VPS35L: variants seen among roughly 807,000 people sequenced by gnomAD.
VPS35L encodes VPS35 endosomal protein sorting factor like, also known as VPS35 endosomal protein-sorting factor-like.
A neutral mutation model predicts 133.0 loss-of-function variants in VPS35L; 83 were observed. That is an observed-to-expected ratio of 0.62 (90% CI 0.52 to 0.75). VPS35L has a LOEUF of 0.75. VPS35L is among the 30% of genes least tolerant of loss of function. The probability of loss-of-function intolerance (pLI) is 0.00; values close to 1 mark genes in which losing one functional copy is unlikely to be tolerated. For missense variants in VPS35L, 1,083 were observed against 1,206.8 expected (o/e 0.90, Z 1.52); for synonymous variants, 423 against 449.9 (o/e 0.94, Z 0.76).
At chr16:19,677,069 CTTTTTTTT>C (rs5816063) in intron 27 of VPS35L, among the ~76,000 whole-genome samples, 50 of 142,252 alleles carry the variant, frequency 3.5e-4, no homozygotes, top group African/African-American at 1.3e-3. Flanking sequence ...TTCTTTTTTT[CTTTTTTTT>C]TTTTTTGAGA....
At chr16:19,600,539 C>G (rs1972350337) in intron 8 of VPS35L, among the ~76,000 whole-genome samples, 1 of 152,138 alleles carries the variant, frequency 6.6e-6, no homozygotes, top group African/African-American at 2.4e-5. Context: ...GAAAGTGACC[C>G]ATGACCTACA....
intron 26 of VPS35L, among the ~76,000 whole-genome samples, chr16:19,654,228 C>G (rs1974225499): frequency 6.6e-6 from 1 of 152,108 alleles, no homozygotes. Context: ...GCCGCCCTGC[C>G]CTACTCTGTC....
intron 8 of VPS35L, among the ~76,000 whole-genome samples, chr16:19,601,060 C>A (rs1273098364): frequency 2.0e-5 from 3 of 152,156 alleles, no homozygotes; most frequent in African/African-American, 4.8e-5. Context: ...TCCCAAGTAG[C>A]TGAAACTACA....
rs570278647 is a variant in VPS35L at position 19,591,659 on chromosome 16, C to T, written c.640-131C>T. ...TTAGCTTGTCATTGTATGCTCAGCA[C>T]CTCGCACAGGCCTTGGCACATAGTA... On this transcript the variant is annotated intron_variant, in intron 7 of 30. Coordinates refer to ENST00000417362, the MANE Select transcript of VPS35L (RefSeq NM_020314.7). 4.4e-5 allele frequency: 28 copies of T among 640,006 alleles called. No homozygotes were observed. In the South Asian group the frequency reaches 5.2e-4, roughly 12 times the overall value. 39.6% of individuals were successfully genotyped at this position (640,006 alleles called of 1,614,324 possible).
At chr16:19,593,346 A>G (rs1972102488) in intron 8 of VPS35L, among the ~76,000 whole-genome samples, 1 of 152,192 alleles carries the variant, frequency 6.6e-6, no homozygotes. Context: ...TCTTACAGGG[A>G]CTAATGGGCT....
At chr16:19,623,453 C>T (rs145427528) in intron 14 of VPS35L, among the ~76,000 whole-genome samples, 192 of 152,200 alleles carry the variant, frequency 1.3e-3, no homozygotes, top group African/African-American at 4.5e-3. Context: ...CTCCATTTAA[C>T]CTAGAATAGT....
intron 1 of VPS35L, among the ~76,000 whole-genome samples, chr16:19,559,356 C>G (rs543111185): frequency 6.6e-6 from 1 of 152,170 alleles, no homozygotes; most frequent in African/African-American, 2.4e-5. Flanking sequence ...AAGGGCTAAG[C>G]CCAGCCAATA....
At chr16:19,592,918 T>C (rs141169213) in intron 8 of VPS35L, among the ~76,000 whole-genome samples, 2,327 of 152,140 alleles carry the variant, frequency 0.015, 30 homozygotes, top group Non-Finnish European at 0.022. Context: ...ACTCCTGACC[T>C]CAAGTGATCT....
At chr16:19,684,047 T>C (rs994403010) in intron 28 of VPS35L, among the ~76,000 whole-genome samples, 6 of 152,152 alleles carry the variant, frequency 3.9e-5, no homozygotes, top group Admixed American at 3.9e-4. Context: ...TACCACAGTC[T>C]CAGGAAGGAC....
intron 12 of VPS35L, among the ~76,000 whole-genome samples, chr16:19,612,505 C>T (rs73535622): frequency 0.012 from 1,767 of 152,240 alleles, 34 homozygotes; most frequent in African/African-American, 0.04. Flanking sequence ...CTGCCTTCCC[C>T]GGCCTCACAA....
Position 19,581,590 on chromosome 16 carries a change from C to T in VPS35L, c.576C>T (p.Asn192=), listed in dbSNP as rs1971710236. ...ACGTGAACCGCATAGAGGAGCTCAACCAATCGCTGAAGGATGCCTGGGCCT... is the reference window on the plus strand; with the variant it reads ...ACGTGAACCGCATAGAGGAGCTCAATCAATCGCTGAAGGATGCCTGGGCCT... ...QDYVNRIEEL[N]QSLKDAWASD... is the part of the protein sequence containing the mutation. The change falls in exon 7 of 31, where the codon AAC becomes AAT. Residue 192 remains asparagine (N), a synonymous_variant. Transcript: ENST00000417362. 1 of 1,614,014 alleles carries T rather than the reference C, an allele frequency of 6.2e-7. No individual in the cohort carries two copies. The highest frequency in any genetic ancestry group is 8.5e-7 in the Non-Finnish European group (1 of 1,179,976).
At chr16:19,628,613 A>G (rs756735111) in intron 16 of VPS35L, 24 bp from the exon 17 acceptor site, 4 of 1,289,898 alleles carry the variant, frequency 3.1e-6, no homozygotes, top group Admixed American at 3.9e-5. Flanking sequence ...TTTCCATAAC[A>G]TGATGGTTTG....
intron 24 of VPS35L, among the ~76,000 whole-genome samples, chr16:19,648,365 C>A (rs1017130322): frequency 1.3e-5 from 2 of 152,122 alleles, no homozygotes; most frequent in African/African-American, 4.8e-5. Context: ...TTTTATTGAT[C>A]TGTTTTTCTG....
chr16:19,671,908 T>C (rs1974889647), intron 27 of VPS35L, among the ~76,000 whole-genome samples: 1 of 152,248 alleles, frequency 6.6e-6, no homozygotes, highest in Non-Finnish European at 1.5e-5. Context: ...CTTGTTAAAA[T>C]GCAGATTCCT....
rs144678515 is a variant in VPS35L, at chr16:19,658,881, A to G, written c.2221+6791A>G. On this transcript the variant is annotated intron_variant, in intron 26 of 30. Transcript: ENST00000417362. ...TTGTTGAGAGGTCTGAACTCCTGGC[A>G]AAATAGTTTTATTCAGTACGTATTA... is the stretch of plus-strand genomic sequence containing the variant. Among the ~76,000 whole-genome samples the G allele has an allele frequency of 9.2e-5, 14 of 152,278 alleles. No homozygotes were observed. In the East Asian group the frequency reaches 1.4e-3, roughly 15 times the overall value.
chr16:19,690,970 A>AAAAAG (rs988227379), intron 28 of VPS35L, among the ~76,000 whole-genome samples: 1 of 152,042 alleles, frequency 6.6e-6, no homozygotes, highest in African/African-American at 2.4e-5. Context: ...TCAAAAAAAA[A>AAAAAG]AAAAGAAAAG....
Position 19,591,875 on chromosome 16 carries a change from G to T in VPS35L, c.724+1G>T. 1 of 1,589,562 alleles carries T rather than the reference G, an allele frequency of 6.3e-7. No individual in the cohort carries two copies. Among genetic ancestry groups the T allele is most frequent in the Non-Finnish European group, 8.6e-7 (1 of 1,158,094 alleles). On this transcript the variant is annotated splice_donor_variant, in intron 8 of 30. Transcript: ENST00000417362. LOFTEE classifies it high-confidence loss of function. ...ATCACCGACATACTTGATACATTTGGTAAGTACCTGTCATATGCATCTTAG... is the reference window on the plus strand; with the variant it reads ...ATCACCGACATACTTGATACATTTGTTAAGTACCTGTCATATGCATCTTAG...
chr16:19,616,569 A>T, intron 13 of VPS35L, 117 bp from the exon 14 acceptor site: 1 of 1,275,838 alleles, frequency 7.8e-7, no homozygotes, highest in South Asian at 1.7e-5. Flanking sequence ...AAACCAGGCT[A>T]TTTCTCTCAG....
chr16:19,565,897 G>C (rs1971173303), intron 2 of VPS35L, among the ~76,000 whole-genome samples: 1 of 152,130 alleles, frequency 6.6e-6, no homozygotes, highest in African/African-American at 2.4e-5. Flanking sequence ...TCTATCTGTG[G>C]GTTTATTTAA....
Sources: allele counts gnomAD v4.1 joint callset (sites outside exome capture counted in the v4.1 genomes callset), GRCh38; gene constraint gnomAD v4.1.1; transcripts MANE v1.5; gene names NCBI Gene and HGNC (gene_info 2026-07-23, HGNC 2026-07-21).